Variants in ING5 observed in about 807,000 individuals in gnomAD.
The protein encoded by ING5 is inhibitor of growth family member 5.
A neutral mutation model predicts 37.4 loss-of-function variants in ING5; 17 were observed. The ratio of observed to expected loss-of-function variants is 0.45; its 90% CI spans 0.31 to 0.68. ING5 has a LOEUF of 0.68. Among genes scored for constraint, ING5 ranks in the 30% least tolerant of loss-of-function variants. ING5 has a pLI of 0.05. For missense variants in ING5, 233 were observed against 311.9 expected (o/e 0.75, Z 1.91); for synonymous variants, 123 against 116.6 (o/e 1.06, Z -0.36).
chr2:241,703,749 C>T (rs997873217), intron 1 of ING5, among the ~76,000 whole-genome samples: 2 of 151,994 alleles, frequency 1.3e-5, no homozygotes, highest in South Asian at 4.1e-4. Flanking sequence ...GGGACTGTAG[C>T]TGTGCACCAC....
At chr2:241,695,041 A>G (rs1348907562) in intron 2 of ING5, among the ~76,000 whole-genome samples, 1 of 147,906 alleles carries the variant, frequency 6.8e-6, no homozygotes, top group African/African-American at 2.5e-5. Flanking sequence ...CTGGTAAGAC[A>G]ATGTGGTATT....
At chr2:241,702,933 T>C (rs1344174519) in intron 1 of ING5, among the ~76,000 whole-genome samples, 1 of 152,168 alleles carries the variant, frequency 6.6e-6, no homozygotes, top group Non-Finnish European at 1.5e-5. Flanking sequence ...GTGGGGGCGC[T>C]GCACTGGGGA....
upstream of ING5, chr2:241,701,927 A>T (rs922848831): frequency 8.0e-6 from 3 of 373,194 alleles, no homozygotes; most frequent in Non-Finnish European, 1.3e-5. Context: ...GGAAGCTGAA[A>T]GGCGTGTCCG....
chr2:241,700,198 C>T (rs987513899), upstream of ING5, among the ~76,000 whole-genome samples: 3 of 146,296 alleles, frequency 2.1e-5, no homozygotes, highest in African/African-American at 7.7e-5. Flanking sequence ...GCTCTGTCGC[C>T]CAGGCTGGAG....
intron 5 of ING5, chr2:241,721,260 C>G: frequency 1.0e-6 from 1 of 985,486 alleles, no homozygotes; most frequent in Non-Finnish European, 1.2e-6. Flanking sequence ...GTGCTGCTGT[C>G]AGAGGAGAGA....
Position 241,724,826 on chromosome 2 carries a change from G to C in ING5, c.681-163G>C, listed in dbSNP as rs548039344. 114 of 645,072 alleles carry C rather than the reference G, an allele frequency of 1.8e-4. 2 individuals carry two copies. In the South Asian group the frequency reaches 2.1e-3, roughly 12 times the overall value. The allele number at this position is 645,072 out of a possible 1,614,324, so 40.0% of individuals were successfully genotyped here. ...TGCATAGAGCCGCACGTGCATCGGC[G>C]CATTTTCCCTGCGGGAGGGCCGCGG... is the stretch of plus-strand genomic sequence containing the variant. On this transcript the variant is annotated intron_variant, in intron 7 of 7. Coordinates refer to ENST00000313552, the MANE Select transcript of ING5 (RefSeq NM_032329.6).
chr2:241,704,220 C>T (rs7577101), intron 1 of ING5, among the ~76,000 whole-genome samples: 11,645 of 152,178 alleles, frequency 0.077, 1,114 homozygotes, highest in African/African-American at 0.22. Context: ...ACAGTCCTTC[C>T]GCTCCGCAAA....
At chr2:241,724,738 G>A (rs576893645) in intron 7 of ING5, 3 of 548,852 alleles carry the variant, frequency 5.5e-6, no homozygotes, top group South Asian at 4.5e-5. Context: ...AAGGAGGAAC[G>A]CCTGGGTGTC....
At chr2:241,718,672 C>T (rs1400627478) in intron 5 of ING5, among the ~76,000 whole-genome samples, 1 of 152,112 alleles carries the variant, frequency 6.6e-6, no homozygotes, top group Non-Finnish European at 1.5e-5. Context: ...TGTTTTTGGC[C>T]TCCCGATGTG....
In ING5 at chr2:241,724,960, A is replaced by G. The variant is rs760213512; in HGVS notation, c.681-29A>G. 5.0e-6 allele frequency: 8 copies of G among 1,612,838 alleles called. No individual in the cohort carries two copies. The East Asian group carries it at 1.1e-4, about 22-fold the overall frequency. ...CTGCGCGCTGGCGGAAATGGCGCCC[A>G]GGGCCTCACTGCGCCTTTCTTGTCA... On this transcript the variant is annotated intron_variant, in intron 7 of 7. Coordinates refer to ENST00000313552, the MANE Select transcript of ING5 (RefSeq NM_032329.6).
Position 241,721,441 on chromosome 2 carries a change from C to G in ING5, c.483-1498C>G, listed in dbSNP as rs549107119. The G allele has an allele frequency of 2.0e-3, 1,956 of 985,668 alleles. 4 individuals carry two copies. The highest frequency in any genetic ancestry group is 2.2e-3 in the Non-Finnish European group (1,820 of 830,110). The allele number at this position is 985,668 out of a possible 1,614,324, so 61.1% of individuals were successfully genotyped here. A position where few individuals can be genotyped will look rare whatever the true frequency, so the allele number is the denominator to read the frequency against. ...AAAGGACAGACTTAGGTGGGCGCCCCTGTGCCAGAGGGCAGCGGGGAGGCC... is the reference window on the plus strand; with the variant it reads ...AAAGGACAGACTTAGGTGGGCGCCCGTGTGCCAGAGGGCAGCGGGGAGGCC... On this transcript the variant is annotated intron_variant, in intron 5 of 7. Coordinates refer to ENST00000313552, the MANE Select transcript of ING5 (RefSeq NM_032329.6).
intron 1 of ING5, among the ~76,000 whole-genome samples, chr2:241,704,354 G>A (rs1374131025): frequency 6.6e-6 from 1 of 152,160 alleles, no homozygotes; most frequent in Non-Finnish European, 1.5e-5. Context: ...GATCACCTGA[G>A]GTCAGGAGTT....
chr2:241,717,438 G>A (rs1199065634), intron 5 of ING5, among the ~76,000 whole-genome samples: 10 of 151,722 alleles, frequency 6.6e-5, no homozygotes, highest in Non-Finnish European at 1.3e-4. Context: ...TTCTGCTTAC[G>A]TATATTTCTT....
chr2:241,723,414 C>G (rs1339124232), intron 7 of ING5, 143 bp downstream of exon 7: 7 of 913,412 alleles, frequency 7.7e-6, no homozygotes, highest in Non-Finnish European at 1.2e-5. Context: ...CCACTGTGGC[C>G]TCAAGGAGTG....
In ING5 at chr2:241,725,727, G is replaced by C. The variant is rs1195715690; in HGVS notation, c.*696G>C. 3.3e-5 allele frequency: 5 copies of C among 152,628 alleles called. No individual in the cohort carries two copies. Among genetic ancestry groups the C allele is most frequent in the Non-Finnish European group, 4.4e-5 (3 of 68,028 alleles). 9.5% of individuals were successfully genotyped at this position (152,628 alleles called of 1,614,324 possible). A position where few individuals can be genotyped will look rare whatever the true frequency, so the allele number is the denominator to read the frequency against. On this transcript the variant is annotated 3_prime_UTR_variant, in exon 8 of 8. Coordinates refer to ENST00000313552, the MANE Select transcript of ING5 (RefSeq NM_032329.6). ...CGCAGGTCCCGTGACCAGCACCCGC[G>C]AGACCCTGTGCGACAGCTGGGCTGA... is the stretch of plus-strand genomic sequence containing the variant.
chr2:241,709,847 T>G (rs892862979), intron 3 of ING5, among the ~76,000 whole-genome samples: 1 of 152,100 alleles, frequency 6.6e-6, no homozygotes, highest in African/African-American at 2.4e-5. Context: ...CTTCAAGTGA[T>G]CCACTCGCCT....
exon 1 of ING5, chr2:241,687,589 G>A (rs1259917505): frequency 2.0e-5 from 7 of 358,044 alleles, no homozygotes; most frequent in Non-Finnish European, 3.5e-5. Context: ...GTGCGGTGGC[G>A]CGATCTCTGC....
At chr2:241,700,558 C>T (rs2069700639), upstream of ING5, among the ~76,000 whole-genome samples, 1 of 151,854 alleles carries the variant, frequency 6.6e-6, no homozygotes, top group Admixed American at 6.6e-5. Flanking sequence ...CAAGCTCAAG[C>T]GATTCTCCTG....
intron 2 of ING5, 146 bp downstream of exon 2, chr2:241,704,870 T>A: frequency 1.5e-6 from 1 of 668,086 alleles, no homozygotes; most frequent in Non-Finnish European, 2.7e-6. Flanking sequence ...TCACTCAGTG[T>A]CTTGCAGTAG....
Sources: gnomAD v4.1 joint callset for allele counts (sites outside exome capture counted in the v4.1 genomes callset) on GRCh38, gnomAD v4.1.1 for gene constraint, MANE v1.5 for transcripts, NCBI Gene and HGNC (gene_info 2026-07-23, HGNC 2026-07-21) for gene names.